AKAP13: variants seen among roughly 807,000 people sequenced by gnomAD.
AKAP13 encodes A-kinase anchoring protein 13.
Under a neutral mutation model 264.5 loss-of-function variants are expected in AKAP13, and 80 were observed. The observed-to-expected ratio is 0.30, with a 90% CI of 0.25 to 0.36. The LOEUF (loss-of-function observed/expected upper bound fraction) is 0.36. AKAP13 is among the 10% of genes least tolerant of loss of function. AKAP13 has a pLI of 1.00. For synonymous variants in AKAP13, 1,380 were observed against 1,250.2 expected, an observed-to-expected ratio of 1.10 and a Z score of -2.19; for missense variants, 3,712 against 3,435.2, an observed-to-expected ratio of 1.08 and a Z score of -2.01.
chr15:85,722,130 A>C lies in AKAP13; in HGVS notation c.6378+14A>C. 1 of 1,613,314 alleles carries C rather than the reference A, an allele frequency of 6.2e-7. No individual in the cohort carries two copies. The highest frequency in any genetic ancestry group is 8.5e-7 in the Non-Finnish European group (1 of 1,179,632). Reference sequence around the variant, plus strand: ...GCCTTTGTAAAGGTATTGATAAGAAACATGAAAATCCCCGTTATTGTTGAG... The same window carrying C: ...GCCTTTGTAAAGGTATTGATAAGAACCATGAAAATCCCCGTTATTGTTGAG... On this transcript the variant is annotated intron_variant, in intron 24 of 36. Transcript: ENST00000394518.
intron 35 of AKAP13, among the ~76,000 whole-genome samples, chr15:85,742,618 C>G (rs1186122452): frequency 6.6e-6 from 1 of 152,248 alleles, no homozygotes; most frequent in Non-Finnish European, 1.5e-5. Context: ...TTCTCTATAG[C>G]TGCTGCTTAT....
intron 2 of AKAP13, among the ~76,000 whole-genome samples, chr15:85,511,278 T>C (rs1488579146): frequency 5.9e-5 from 9 of 152,172 alleles, no homozygotes; most frequent in Admixed American, 5.9e-4. Flanking sequence ...CTGCCTTCCC[T>C]TGCTGGAACA....
Position 85,642,498 on chromosome 15 carries a change from G to C in AKAP13, c.4237+3049G>C, listed in dbSNP as rs150332622. Among the ~76,000 whole-genome samples, 341 of 152,366 alleles carry C rather than the reference G, an allele frequency of 2.2e-3. 1 individual carries two copies. Among genetic ancestry groups the C allele is most frequent in the African/African-American group, 7.8e-3 (325 of 41,584 alleles). On this transcript the variant is annotated intron_variant, in intron 9 of 36. Transcript: ENST00000394518. ...ATTTTGAAAACTTACCAATTCATGT[G>C]ACACAGGGTGTGGATTAGCTCTGCC...
intron 26 of AKAP13, among the ~76,000 whole-genome samples, chr15:85,725,583 G>A (rs116532337): frequency 1.7e-3 from 260 of 152,212 alleles, no homozygotes; most frequent in Middle Eastern, 6.8e-3. Context: ...TTTCAGTTGC[G>A]GCAGAGGTAG....
chr15:85,381,445 A>C (rs998863520), intron 1 of AKAP13, among the ~76,000 whole-genome samples: 2 of 142,476 alleles, frequency 1.4e-5, no homozygotes, highest in East Asian at 2.1e-4. Flanking sequence ...CCGTGCAGCC[A>C]GCCGGCTCAG....
intron 11 of AKAP13, among the ~76,000 whole-genome samples, chr15:85,658,159 A>G (rs1187457703): frequency 1.3e-5 from 2 of 152,186 alleles, no homozygotes; most frequent in Non-Finnish European, 2.9e-5. Flanking sequence ...AATGAGAGTG[A>G]GGTTTTAATT....
At chr15:85,732,530 A>G (rs1348379667) in intron 30 of AKAP13, among the ~76,000 whole-genome samples, 1 of 150,190 alleles carries the variant, frequency 6.7e-6, no homozygotes, top group East Asian at 1.9e-4. Flanking sequence ...GTATATGAAA[A>G]TTTATATTTA....
intron 1 of AKAP13, among the ~76,000 whole-genome samples, chr15:85,471,974 C>T (rs761062252): frequency 6.6e-6 from 1 of 151,896 alleles, no homozygotes; most frequent in East Asian, 1.9e-4. Flanking sequence ...AATATATTTA[C>T]CATGTATCTC....
rs2075672217 is a variant in AKAP13, at chr15:85,489,765, C to A, written c.33+4012C>A. Among the ~76,000 whole-genome samples, 5 of 152,242 alleles carry A rather than the reference C, an allele frequency of 3.3e-5. No homozygotes were observed. In the South Asian group the frequency reaches 1.0e-3, roughly 32 times the overall value. On this transcript the variant is annotated intron_variant, in intron 2 of 36. Transcript: ENST00000394518. ...ATCAGACTTTGAATAAAGATGTGTC[C>A]AGAATACGTTGCAATAGTTAAAAAT... is the stretch of plus-strand genomic sequence containing the variant.
chr15:85,547,177 T>C (rs1252374855), intron 5 of AKAP13, among the ~76,000 whole-genome samples: 1 of 152,248 alleles, frequency 6.6e-6, no homozygotes, highest in East Asian at 1.9e-4. Context: ...GCTATGTATA[T>C]TTTACATTTA....
chr15:85,649,978 A>G (rs1304277842), intron 10 of AKAP13, among the ~76,000 whole-genome samples: 1 of 152,176 alleles, frequency 6.6e-6, no homozygotes, highest in African/African-American at 2.4e-5. Context: ...CCAGGTTAGC[A>G]GATGTATCTA....
chr15:85,742,469 G>A (rs2089099592), intron 35 of AKAP13, among the ~76,000 whole-genome samples: 1 of 152,122 alleles, frequency 6.6e-6, no homozygotes, highest in African/African-American at 2.4e-5. Context: ...CAGTTACAGA[G>A]GGAAACGCCC....
chr15:85,637,762 T>C (rs559690497), intron 8 of AKAP13, among the ~76,000 whole-genome samples: 1 of 152,296 alleles, frequency 6.6e-6, no homozygotes, highest in African/African-American at 2.4e-5. Flanking sequence ...GTTACAAATA[T>C]TGCTGTTAGC....
intron 1 of AKAP13, among the ~76,000 whole-genome samples, chr15:85,461,687 A>G (rs555517182): frequency 1.3e-5 from 2 of 150,518 alleles, no homozygotes; most frequent in East Asian, 1.9e-4. Context: ...TTCTGCTCCT[A>G]TTTTCTTTAG....
chr15:85,555,901 C>T (rs1230963469), intron 5 of AKAP13, among the ~76,000 whole-genome samples: 1 of 152,114 alleles, frequency 6.6e-6, no homozygotes, highest in Non-Finnish European at 1.5e-5. Flanking sequence ...TGTTATTTTG[C>T]ATTTGAAAAA....
intron 1 of AKAP13, chr15:85,415,137 G>T (rs192591185): frequency 3.2e-5 from 24 of 759,390 alleles, no homozygotes; most frequent in South Asian, 2.5e-4. Context: ...AGTTTCAGAG[G>T]GAAATACCTT....
chr15:85,580,464 A>T lies in AKAP13; in HGVS notation c.2396A>T (p.Asp799Val). 1 of 1,614,220 alleles carries T rather than the reference A, an allele frequency of 6.2e-7. No individual in the cohort carries two copies. Among genetic ancestry groups the T allele is most frequent in the South Asian group, 1.1e-5 (1 of 91,080 alleles). Reference protein sequence around the residue: ...NSPGSESVTKDDALSFVPSQK... With the variant: ...NSPGSESVTKVDALSFVPSQK... ...CCAGGCAGTGAATCAGTAACCAAGG[A>T]TGACGCACTTTCTTTTGTCCCCTCC... is the stretch of plus-strand genomic sequence containing the variant. Residue 799 changes from aspartate to valine, a missense_variant, in exon 7 of 37, where the codon GAT becomes GTT. This residue lies in a region of AKAP13 where 2,759 missense variants were observed against 2,411.7 expected (regional missense o/e 1.14). Coordinates refer to ENST00000394518, the MANE Select transcript of AKAP13 (RefSeq NM_007200.5).
intron 11 of AKAP13, 74 bp downstream of exon 11, chr15:85,655,861 T>C (rs2151519653): frequency 2.0e-6 from 3 of 1,508,786 alleles, no homozygotes; most frequent in East Asian, 4.5e-5. Context: ...TGTATTATTG[T>C]TGGTAAAAGA....
intron 1 of AKAP13, among the ~76,000 whole-genome samples, chr15:85,402,073 T>G (rs2071447094): frequency 1.3e-5 from 2 of 152,160 alleles, no homozygotes. Flanking sequence ...CCACCTCAAT[T>G]CTCCCATCAA....
Sources: allele counts gnomAD v4.1 joint callset (sites outside exome capture counted in the v4.1 genomes callset), GRCh38; gene constraint gnomAD v4.1.1; regional missense constraint gnomAD v4.1.1; transcripts MANE v1.5; gene names NCBI Gene and HGNC (gene_info 2026-07-23, HGNC 2026-07-21).